TPD52L2: variants seen among roughly 807,000 people sequenced by gnomAD.
TPD52L2 encodes the protein TPD52 like 2.
TPD52L2 carries 19 observed loss-of-function variants against 24.7 expected under a neutral mutation model. That is an observed-to-expected ratio of 0.77 (90% CI 0.54 to 1.13). The LOEUF (loss-of-function observed/expected upper bound fraction) is 1.13. Among genes scored for constraint, TPD52L2 ranks in the 50% most tolerant of loss-of-function variants. TPD52L2 has a pLI of 0.00. For synonymous variants in TPD52L2, 104 were observed against 100.2 expected (o/e 1.04, Z -0.23); for missense variants, 236 against 250.4 (o/e 0.94, Z 0.39).
At chr20:63,881,352 T>C (rs1472822313) in intron 4 of TPD52L2, among the ~76,000 whole-genome samples, 1 of 148,400 alleles carries the variant, frequency 6.7e-6, no homozygotes, top group African/African-American at 2.5e-5. Flanking sequence ...AGAGCGAGAC[T>C]TTGTCTCAAA....
intron 5 of TPD52L2, chr20:63,888,055 G>A (rs1215873810): frequency 1.5e-5 from 3 of 198,374 alleles, no homozygotes; most frequent in Non-Finnish European, 3.1e-5. Flanking sequence ...TGCCTGTGCC[G>A]TGAGGCACTG....
At position 63,889,872 on chromosome 20, in the gene TPD52L2, A is replaced by G; in HGVS notation, c.548A>G (p.Glu183Gly). 3 of 1,614,170 alleles carry G rather than the reference A, an allele frequency of 1.9e-6. No individual in the cohort carries two copies. The highest frequency in any genetic ancestry group is 2.5e-6 in the Non-Finnish European group (3 of 1,180,012). ...TIKSKVVGDR[E>G]NGSDNLPSSA... is the part of the protein sequence containing the mutation. ...TAGTCTAAGGTTGTGGGTGACAGAG[A>G]GAACGGCAGTGACAACCTCCCTTCC... The change falls in exon 7 of 7, where the codon GAG becomes GGG. Residue 183 changes from glutamate (E) to glycine (G), a missense_variant. Glu to Gly is a moderately conservative substitution (Grantham distance 98, BLOSUM62 -2). Transcript: ENST00000346249.
At chr20:63,868,831 A>G (rs771876745) in intron 1 of TPD52L2, among the ~76,000 whole-genome samples, 20 of 152,184 alleles carry the variant, frequency 1.3e-4, no homozygotes, top group Non-Finnish European at 2.4e-4. Context: ...AATCCCAGCT[A>G]CTCGAAGGCT....
intron 1 of TPD52L2, among the ~76,000 whole-genome samples, chr20:63,868,613 G>T (rs1010449432): frequency 6.6e-6 from 1 of 152,238 alleles, no homozygotes; most frequent in African/African-American, 2.4e-5. Context: ...GATGCTTATT[G>T]TGTATATTAA....
At chr20:63,873,935 G>A in intron 3 of TPD52L2, 119 bp downstream of exon 3, 16 of 1,217,076 alleles carry the variant, frequency 1.3e-5, no homozygotes, top group Non-Finnish European at 1.8e-5. Flanking sequence ...GAGTTGAGTG[G>A]CCTGTTTGGA....
intron 5 of TPD52L2, chr20:63,888,768 A>C (rs1479847519): frequency 5.4e-6 from 1 of 185,590 alleles, no homozygotes; most frequent in Non-Finnish European, 1.1e-5. Flanking sequence ...CAGCCCCCCA[A>C]CTGCGCAGAC....
intron 5 of TPD52L2, 84 bp from the exon 6 acceptor site, chr20:63,889,106 C>A: frequency 8.2e-7 from 1 of 1,215,336 alleles, no homozygotes; most frequent in Non-Finnish European, 1.2e-6. Flanking sequence ...TGGAGGCTGG[C>A]CCTAACCCTG....
intron 3 of TPD52L2, among the ~76,000 whole-genome samples, chr20:63,874,567 T>C (rs2052595382): frequency 6.6e-6 from 1 of 151,764 alleles, no homozygotes; most frequent in South Asian, 2.1e-4. Flanking sequence ...AGAGACAGGG[T>C]CTTGCTTTGC....
At chr20:63,866,874 C>T (rs764636199) in intron 1 of TPD52L2, among the ~76,000 whole-genome samples, 9 of 151,024 alleles carry the variant, frequency 6.0e-5, no homozygotes, top group African/African-American at 2.2e-4. Context: ...TGGGCTCAAG[C>T]GATCTTCCTG....
chr20:63,889,891 C>G lies in TPD52L2; in HGVS notation c.567C>G (p.Leu189=), dbSNP rs571033059. The change falls in exon 7 of 7, where the codon CTC becomes CTG. Residue 189 remains leucine (L), a synonymous_variant. Coordinates refer to ENST00000346249, the MANE Select transcript of TPD52L2 (RefSeq NM_003288.4). ...VGDRENGSDN[L]PSSAGSGDKP... ...ACAGAGAGAACGGCAGTGACAACCT[C>G]CCTTCCTCAGCGGGGAGTGGTGACA... The G allele has an allele frequency of 1.2e-6, 2 of 1,614,196 alleles. No homozygotes were observed. The highest frequency in any genetic ancestry group is 2.2e-5 in the East Asian group (1 of 44,890).
intron 5 of TPD52L2, 70 bp from the exon 6 acceptor site, chr20:63,889,120 C>G (rs760094776): frequency 7.2e-7 from 1 of 1,383,638 alleles, no homozygotes; most frequent in Non-Finnish European, 1.0e-6. Context: ...AACCCTGAGG[C>G]CCTTCCGAGT....
intron 1 of TPD52L2, among the ~76,000 whole-genome samples, chr20:63,868,731 G>T (rs2052352658): frequency 6.6e-6 from 1 of 152,212 alleles, no homozygotes; most frequent in South Asian, 2.1e-4. Context: ...ATCACCCGAG[G>T]TCGGGAATTG....
In TPD52L2 at chr20:63,865,303, C is replaced by T. The variant is rs1421083800; in HGVS notation, c.-63C>T. On this transcript the variant is annotated 5_prime_UTR_variant, in exon 1 of 7. Coordinates refer to ENST00000346249, the MANE Select transcript of TPD52L2 (RefSeq NM_003288.4). ...TGGCTAGTGTGTACGCGGCGAGCTT[C>T]TCCCGGCGCCGCCCGCTCGGCTCCC... 7 of 1,492,344 alleles carry T rather than the reference C, an allele frequency of 4.7e-6. No homozygotes were observed. The African/African-American group carries it at 5.7e-5, about 12-fold the overall frequency. The allele number at this position is 1,492,344 out of a possible 1,614,324, so 92.4% of individuals were successfully genotyped here.
rs553210186 is a variant in TPD52L2 at position 63,871,977 on chromosome 20, A to G, written c.166-1691A>G. ...AGAGAAGCTAGTCATATATGAGCTG[A>G]AGATACTGAGAACTCATTCTAAAGT... is the stretch of plus-strand genomic sequence containing the variant. On this transcript the variant is annotated intron_variant, in intron 2 of 6. Transcript: ENST00000346249. 1.8e-4 allele frequency among the ~76,000 whole-genome samples: 28 copies of G among 152,072 alleles called. No homozygotes were observed. In the South Asian group the frequency reaches 5.8e-3, roughly 32 times the overall value.
intron 5 of TPD52L2, chr20:63,887,674 C>A (rs1014924360): frequency 6.8e-7 from 1 of 1,479,884 alleles, no homozygotes; most frequent in Non-Finnish European, 9.4e-7. Context: ...CAGCTCCCGC[C>A]GGTTACACCT....
chr20:63,878,193 T>C (rs1256957638), intron 4 of TPD52L2, among the ~76,000 whole-genome samples: 1 of 152,216 alleles, frequency 6.6e-6, no homozygotes, highest in African/African-American at 2.4e-5. Context: ...TCCTTTCAGC[T>C]ATTGGCGCCC....
intron 5 of TPD52L2, 145 bp from the exon 6 acceptor site, chr20:63,889,045 G>T (rs984850034): frequency 2.0e-5 from 14 of 704,598 alleles, no homozygotes; most frequent in Non-Finnish European, 3.3e-5. Flanking sequence ...GGAATGACCT[G>T]GCTGTCTCAC....
intron 5 of TPD52L2, among the ~76,000 whole-genome samples, chr20:63,884,588 TTC>T (rs969637507): frequency 1.1e-4 from 16 of 152,242 alleles, no homozygotes; most frequent in African/African-American, 3.9e-4. Context: ...ACGGTCCTGG[TTC>T]TCTGTCTGCT....
intron 4 of TPD52L2, among the ~76,000 whole-genome samples, chr20:63,879,703 C>T (rs1243423273): frequency 1.4e-5 from 2 of 140,546 alleles, no homozygotes; most frequent in Non-Finnish European, 3.1e-5. Context: ...ACTCTTAGGG[C>T]ACAAATGCAG....
Sources: allele counts gnomAD v4.1 joint callset (sites outside exome capture counted in the v4.1 genomes callset), GRCh38; gene constraint gnomAD v4.1.1; transcripts MANE v1.5; gene names NCBI Gene and HGNC (gene_info 2026-07-23, HGNC 2026-07-21).